Variants in CDCA7L observed in about 807,000 individuals in gnomAD.
CDCA7L encodes cell division cycle associated 7 like, also known as cell division cycle-associated 7-like protein.
A neutral mutation model predicts 57.4 loss-of-function variants in CDCA7L; 44 were observed. That is an observed-to-expected ratio of 0.77 (90% CI 0.60 to 0.98). The LOEUF (loss-of-function observed/expected upper bound fraction) is 0.98. Ranked by LOEUF, CDCA7L falls within the 50% of genes least tolerant of loss-of-function variation. The pLI is 0.00. For missense variants in CDCA7L, 644 were observed against 580.6 expected (o/e 1.11, Z -1.12); for synonymous variants, 236 against 202.8 (o/e 1.16, Z -1.39).
At chr7:21,929,832 G>A (rs1283146196) in intron 1 of CDCA7L, among the ~76,000 whole-genome samples, 1 of 152,030 alleles carries the variant, frequency 6.6e-6, no homozygotes, top group African/African-American at 2.4e-5. Flanking sequence ...CAAGTTCTTA[G>A]AGACCTACAA....
chr7:21,927,443 A>G (rs993333372), intron 1 of CDCA7L, among the ~76,000 whole-genome samples: 3 of 152,212 alleles, frequency 2.0e-5, no homozygotes, highest in African/African-American at 7.2e-5. Context: ...TCTGAAGATA[A>G]TGCATTTGAA....
chr7:21,918,501 C>T, intron 1 of CDCA7L, among the ~76,000 whole-genome samples: 1 of 152,174 alleles, frequency 6.6e-6, no homozygotes, highest in East Asian at 1.9e-4. Flanking sequence ...TCTTAAATCC[C>T]TTCTCATCAC....
intron 1 of CDCA7L, among the ~76,000 whole-genome samples, chr7:21,929,302 GA>G (rs58463650): frequency 0.019 from 2,927 of 152,220 alleles, 100 homozygotes; most frequent in African/African-American, 0.066. Flanking sequence ...GTTCCTGAAG[GA>G]AGCACTAAAC....
intron 2 of CDCA7L, among the ~76,000 whole-genome samples, chr7:21,913,795 T>A (rs1414988580): frequency 6.6e-6 from 1 of 152,220 alleles, no homozygotes; most frequent in East Asian, 1.9e-4. Context: ...TTGGGAGAGA[T>A]TACCATCTTT....
intron 1 of CDCA7L, among the ~76,000 whole-genome samples, chr7:21,918,927 T>C (rs1172774108): frequency 1.3e-5 from 2 of 152,218 alleles, no homozygotes; most frequent in African/African-American, 2.4e-5. Flanking sequence ...ATTCTGTGAA[T>C]AGCCTCCCTG....
rs1157098764 is a variant in CDCA7L at position 21,901,290 on chromosome 7, G to A, written c.*1032C>T. 1.3e-6 allele frequency: 2 copies of A among 1,562,408 alleles called. No individual in the cohort carries two copies. Among genetic ancestry groups the A allele is most frequent in the East Asian group, 2.3e-5 (1 of 44,146 alleles). The stretch of plus-strand genomic sequence containing the variant: ...GCATTCCTCTAGCCTCTGCTGGAGT[G>A]CAGTGAGGATTTTCTAGCATGTTGC... On this transcript the variant is annotated 3_prime_UTR_variant, in exon 10 of 10. Coordinates refer to ENST00000406877, the MANE Select transcript of CDCA7L (RefSeq NM_018719.5).
rs764339366 is a variant in CDCA7L, at chr7:21,920,614, A to AT, written c.25-3721dup. Among the ~76,000 whole-genome samples, 11 of 152,282 alleles carry AT rather than the reference A, an allele frequency of 7.2e-5. No individual in the cohort carries two copies. In the East Asian group the frequency reaches 7.7e-4, roughly 11 times the overall value. On this transcript the variant is annotated intron_variant, in intron 1 of 9. Transcript: ENST00000406877. ...TTACAGAAGTAGAGTTCCACTAACA[A>AT]TTTTTTTACCAGCCACACGTAGTGC...
intron 1 of CDCA7L, among the ~76,000 whole-genome samples, chr7:21,927,460 G>C (rs575301954): frequency 1.3e-5 from 2 of 152,218 alleles, no homozygotes; most frequent in South Asian, 4.2e-4. Flanking sequence ...TGAAAATACT[G>C]AGTCAGAGGA....
chr7:21,916,098 G>A (rs945958161), intron 2 of CDCA7L, among the ~76,000 whole-genome samples: 1 of 152,138 alleles, frequency 6.6e-6, no homozygotes, highest in Non-Finnish European at 1.5e-5. Context: ...GAAGCAAAGT[G>A]GGTTTAATTT....
chr7:21,929,303 A>T (rs1282369714), intron 1 of CDCA7L, among the ~76,000 whole-genome samples: 1 of 146,504 alleles, frequency 6.8e-6, no homozygotes, highest in Non-Finnish European at 1.5e-5. Context: ...TTCCTGAAGG[A>T]AGCACTAAAC....
intron 6 of CDCA7L, 73 bp from the exon 7 acceptor site, chr7:21,905,704 C>G: frequency 6.7e-7 from 1 of 1,486,426 alleles, no homozygotes; most frequent in Admixed American, 2.0e-5. Flanking sequence ...ATTTTAAACT[C>G]TCAAAGATCT....
chr7:21,906,190 C>T (rs1334313136), intron 6 of CDCA7L, 99 bp downstream of exon 6: 55 of 1,175,064 alleles, frequency 4.7e-5, no homozygotes, highest in Non-Finnish European at 5.9e-5. Context: ...CGCAGACCCA[C>T]GGGGTCAGAA....
chr7:21,911,839 G>T, intron 2 of CDCA7L, 85 bp from the exon 3 acceptor site: 1 of 1,303,778 alleles, frequency 7.7e-7, no homozygotes, highest in Middle Eastern at 1.9e-4. Flanking sequence ...TACTGAACGG[G>T]TACAGAGCTT....
In CDCA7L at chr7:21,901,179, G is replaced by C. The variant is rs1230611166; in HGVS notation, c.*1143C>G. The C allele has an allele frequency of 1.2e-6, 2 of 1,613,154 alleles. No homozygotes were observed. The highest frequency in any genetic ancestry group is 1.7e-6 in the Non-Finnish European group (2 of 1,179,500). ...AACTGAGAGGCCCCAGCTACATCTG[G>C]ACCTTCAGGCTGAAGAGCGAAGAGA... On this transcript the variant is annotated 3_prime_UTR_variant, in exon 10 of 10. Transcript: ENST00000406877.
intron 1 of CDCA7L, among the ~76,000 whole-genome samples, chr7:21,922,448 G>C (rs976370284): frequency 6.6e-6 from 1 of 152,144 alleles, no homozygotes; most frequent in Non-Finnish European, 1.5e-5. Flanking sequence ...GCAGGAACAG[G>C]GGTCTGGTGT....
rs1306667782 is a variant in CDCA7L at position 21,902,279 on chromosome 7, G to GGAGTACTCTAT, written c.*32_*42dup. On this transcript the variant is annotated 3_prime_UTR_variant, in exon 10 of 10. Coordinates refer to ENST00000406877, the MANE Select transcript of CDCA7L (RefSeq NM_018719.5). ...GCACCAATGGTATGCATGTCTTGTT[G>GGAGTACTCTAT]GAGTACTCTATGGTGAGGTGGCTGG... is the stretch of plus-strand genomic sequence containing the variant. 3.2e-6 allele frequency: 5 copies of GGAGTACTCTAT among 1,566,638 alleles called. No homozygotes were observed. The South Asian group carries it at 5.5e-5, about 17-fold the overall frequency.
At chr7:21,927,952 G>A (rs552995551) in intron 1 of CDCA7L, among the ~76,000 whole-genome samples, 6 of 152,290 alleles carry the variant, frequency 3.9e-5, no homozygotes, top group East Asian at 1.9e-4. Flanking sequence ...CCAGCACAGC[G>A]TTCAAGCTCT....
intron 9 of CDCA7L, chr7:21,902,774 A>AATCTAGC: frequency 1.8e-6 from 1 of 551,106 alleles, no homozygotes; most frequent in South Asian, 2.8e-5. Flanking sequence ...TGAGTTGAAA[A>AATCTAGC]ATCTAGCAAA....
chr7:21,905,473 C>G, intron 7 of CDCA7L, 33 bp downstream of exon 7: 1 of 1,607,298 alleles, frequency 6.2e-7, no homozygotes, highest in Non-Finnish European at 8.5e-7. Flanking sequence ...GCCTTCGACT[C>G]CCAATAAGAA....
Sources: allele counts gnomAD v4.1 joint callset (sites outside exome capture counted in the v4.1 genomes callset), GRCh38; gene constraint gnomAD v4.1.1; transcripts MANE v1.5; gene names NCBI Gene and HGNC (gene_info 2026-07-23, HGNC 2026-07-21).